Variants in ELMO1 observed in about 807,000 individuals in gnomAD.
ELMO1 encodes engulfment and cell motility protein 1.
A neutral mutation model predicts 98.9 loss-of-function variants in ELMO1; 26 were observed. The ratio of observed to expected loss-of-function variants is 0.26; its 90% CI spans 0.19 to 0.36. ELMO1 has a LOEUF of 0.36. Among genes scored for constraint, ELMO1 ranks in the 10% least tolerant of loss-of-function variants. The pLI, the probability that ELMO1 is intolerant of heterozygous loss-of-function variation, is 1.00. For missense variants in ELMO1, 627 were observed against 935.2 expected (o/e 0.67, Z 4.30); for synonymous variants, 346 against 346.0 (o/e 1.00, Z 0.00).
intron 1 of ELMO1, among the ~76,000 whole-genome samples, chr7:37,416,275 T>C (rs990040097): frequency 1.1e-4 from 16 of 152,112 alleles, no homozygotes; most frequent in African/African-American, 3.4e-4. Flanking sequence ...GGGAAGAAAA[T>C]AGCAATTTGA....
intron 16 of ELMO1, among the ~76,000 whole-genome samples, chr7:36,972,770 C>G (rs1790084696): frequency 6.6e-6 from 1 of 152,144 alleles, no homozygotes; most frequent in South Asian, 2.1e-4. Flanking sequence ...ATCTATATAA[C>G]TATATCTATA....
At chr7:36,986,247 A>C (rs1424041602) in intron 16 of ELMO1, 5 of 985,348 alleles carry the variant, frequency 5.1e-6, no homozygotes, top group Non-Finnish European at 4.8e-6. Context: ...CATTTCAGGG[A>C]AACTCCTGCT....
chr7:37,174,947 C>A (rs879658482), intron 13 of ELMO1, among the ~76,000 whole-genome samples: 13 of 152,058 alleles, frequency 8.5e-5, no homozygotes, highest in Non-Finnish European at 1.6e-4. Context: ...ATTTTCTTAG[C>A]ACACTCCAAA....
chr7:37,203,595 G>A (rs1792421975), intron 13 of ELMO1, among the ~76,000 whole-genome samples: 1 of 152,186 alleles, frequency 6.6e-6, no homozygotes, highest in Admixed American at 6.5e-5. Flanking sequence ...CAGAGTCCTG[G>A]AGTTTATACT....
chr7:37,415,169 C>A (rs1437845999), intron 1 of ELMO1, among the ~76,000 whole-genome samples: 1 of 152,210 alleles, frequency 6.6e-6, no homozygotes, highest in Non-Finnish European at 1.5e-5. Context: ...ATTTCTCTTG[C>A]AATCTGGAGC....
intron 15 of ELMO1, among the ~76,000 whole-genome samples, chr7:37,093,745 C>G (rs1784240281): frequency 6.6e-6 from 1 of 152,202 alleles, no homozygotes; most frequent in African/African-American, 2.4e-5. Context: ...CAGAAAGTAA[C>G]AATCCTTAAT....
At chr7:37,240,003 A>G in intron 7 of ELMO1, among the ~76,000 whole-genome samples, 1 of 147,896 alleles carries the variant, frequency 6.8e-6, no homozygotes, top group Non-Finnish European at 1.5e-5. Flanking sequence ...TTTCCATGGC[A>G]TTTGTCTATT....
At chr7:36,883,552 TA>T (rs1279799152) in intron 18 of ELMO1, among the ~76,000 whole-genome samples, 12 of 152,136 alleles carry the variant, frequency 7.9e-5, no homozygotes, top group African/African-American at 2.9e-4. Flanking sequence ...TGTATAGTGA[TA>T]AAGTCCTCTT....
intron 16 of ELMO1, among the ~76,000 whole-genome samples, chr7:36,907,006 A>G (rs1784014535): frequency 6.6e-6 from 1 of 152,182 alleles, no homozygotes; most frequent in African/African-American, 2.4e-5. Context: ...CCCCAGCAGG[A>G]CCTTGAGCCC....
At chr7:36,902,657 G>T (rs1403238800) in intron 16 of ELMO1, among the ~76,000 whole-genome samples, 2 of 152,206 alleles carry the variant, frequency 1.3e-5, no homozygotes, top group East Asian at 3.9e-4. Context: ...TTCTCTGGGT[G>T]CCATATACCT....
chr7:36,900,340 T>C (rs769906390), intron 16 of ELMO1, among the ~76,000 whole-genome samples: 12 of 152,216 alleles, frequency 7.9e-5, no homozygotes, highest in Non-Finnish European at 2.9e-5. Flanking sequence ...AACTATTTCT[T>C]ACTTGTATGA....
At position 37,153,187 on chromosome 7, in the gene ELMO1, A is replaced by G. The variant is rs560207699; in HGVS notation, c.1087-19953T>C. Among the ~76,000 whole-genome samples the G allele has an allele frequency of 6.6e-5, 10 of 152,332 alleles. No homozygotes were observed. The South Asian group carries it at 2.1e-3, about 32-fold the overall frequency. On this transcript the variant is annotated intron_variant, in intron 13 of 21. Coordinates refer to ENST00000310758, the MANE Select transcript of ELMO1 (RefSeq NM_014800.11). ...GTCACTTCCAAGATGGCCAAATAGA[A>G]ACAGCTCCGGTCTACAGCTCCCAGT...
intron 2 of ELMO1, among the ~76,000 whole-genome samples, chr7:37,335,304 G>A (rs937184857): frequency 6.6e-6 from 1 of 152,150 alleles, no homozygotes; most frequent in African/African-American, 2.4e-5. Context: ...GGAGAAGGCA[G>A]GGGGCATTCA....
rs1289242102 is a variant in ELMO1 at position 36,855,677 on chromosome 7, C to G, written c.2058G>C (p.Leu686=). Residue 686 remains leucine, a synonymous_variant, in exon 22 of 22, where the codon CTG becomes CTC. Coordinates refer to ENST00000310758, the MANE Select transcript of ELMO1 (RefSeq NM_014800.11). This position sits in a 1 kb window ranked among gnomAD's most constrained non-coding sequence, Gnocchi z 4.2. The part of the protein sequence containing the change: ...DMMSDLTRND[L]DTLLSMEIKL... ...TGATTTCCATGCTGAGCAGGGTGTC[C>G]AGGTCATTCCGCGTCAGGTCGCTCA... 1 of 1,613,974 alleles carries G rather than the reference C, an allele frequency of 6.2e-7. No homozygotes were observed.
chr7:36,924,823 A>G (rs1785411103), intron 16 of ELMO1, among the ~76,000 whole-genome samples: 1 of 152,180 alleles, frequency 6.6e-6, no homozygotes, highest in Non-Finnish European at 1.5e-5. Context: ...GTCTGGGGGA[A>G]TAATTGAAAA....
intron 16 of ELMO1, among the ~76,000 whole-genome samples, chr7:36,952,379 T>C (rs1185144556): frequency 6.6e-6 from 1 of 152,200 alleles, no homozygotes; most frequent in Non-Finnish European, 1.5e-5. Context: ...ATGGAAGCAC[T>C]GGTGGCATTT....
At chr7:37,072,834 A>T (rs1412896895) in intron 15 of ELMO1, among the ~76,000 whole-genome samples, 3 of 152,228 alleles carry the variant, frequency 2.0e-5, no homozygotes, top group African/African-American at 7.2e-5. Context: ...ATACACATGG[A>T]CAATACATAT....
At chr7:37,116,643 G>T (rs1785612360) in intron 14 of ELMO1, 1 of 150,854 alleles carries the variant, frequency 6.6e-6, no homozygotes, top group African/African-American at 2.4e-5. Context: ...ATCCATCACT[G>T]TTTTAAAGTC....
At chr7:37,009,383 T>A (rs183637616) in intron 16 of ELMO1, among the ~76,000 whole-genome samples, 68 of 152,344 alleles carry the variant, frequency 4.5e-4, no homozygotes, top group African/African-American at 1.3e-3. Flanking sequence ...AATATTTTAA[T>A]CACTCTTCAA....
Sources: allele counts gnomAD v4.1 joint callset (sites outside exome capture counted in the v4.1 genomes callset), GRCh38; gene constraint gnomAD v4.1.1; non-coding constraint Gnocchi (gnomAD v3.1); transcripts MANE v1.5; gene names NCBI Gene and HGNC (gene_info 2026-07-23, HGNC 2026-07-21).